Variants in MRRF observed in about 807,000 individuals in gnomAD.
The protein encoded by MRRF is ribosome-recycling factor, mitochondrial.
Under a neutral mutation model 25.1 loss-of-function variants are expected in MRRF, and 18 were observed. That is an observed-to-expected ratio of 0.72 (90% CI 0.50 to 1.06). The LOEUF is 1.06. MRRF is among the 50% of genes least tolerant of loss of function. The pLI, the probability that MRRF is intolerant of heterozygous loss-of-function variation, is 0.00. For synonymous variants in MRRF, 113 were observed against 112.1 expected (o/e 1.01, Z -0.05); for missense variants, 323 against 319.3 (o/e 1.01, Z -0.09).
intron 2 of MRRF, 56 bp from the exon 3 acceptor site, chr9:122,280,387 C>T: frequency 6.3e-7 from 1 of 1,591,258 alleles, no homozygotes; most frequent in Non-Finnish European, 8.6e-7. Flanking sequence ...TCACCAATTG[C>T]TTATTGGCTC....
intron 2 of MRRF, among the ~76,000 whole-genome samples, chr9:122,274,832 T>C (rs193248678): frequency 7.6e-4 from 116 of 152,194 alleles, no homozygotes; most frequent in African/African-American, 2.5e-3. Context: ...ACAGAAGTTA[T>C]AAACCTTTTA....
chr9:122,303,198 G>C (rs1046070733), intron 5 of MRRF, among the ~76,000 whole-genome samples: 5 of 151,668 alleles, frequency 3.3e-5, no homozygotes, highest in African/African-American at 1.2e-4. Context: ...TTCATTTATT[G>C]TTCCCCAGTT....
chr9:122,284,132 A>C (rs1301177096), intron 3 of MRRF, among the ~76,000 whole-genome samples: 1 of 152,128 alleles, frequency 6.6e-6, no homozygotes, highest in Admixed American at 6.6e-5. Flanking sequence ...AGCTTCCCCA[A>C]ATCACAGGCT....
At position 122,270,869 on chromosome 9, in the gene MRRF, GT is replaced by G; in HGVS notation, c.-20del. 6.2e-7 allele frequency: 1 copy of G among 1,613,102 alleles called. No homozygotes were observed. The highest frequency in any genetic ancestry group is 8.5e-7 in the Non-Finnish European group (1 of 1,179,050). On this transcript the variant is annotated 5_prime_UTR_variant, in exon 2 of 7. Transcript: ENST00000344641. ...TTTTGTCTTATTCTTTTTAGTGGAT[GT>G]TTCCAAGGATTGTCTTCAGTCATGG...
chr9:122,269,141 G>A (rs1485024360), intron 1 of MRRF, among the ~76,000 whole-genome samples: 7 of 151,408 alleles, frequency 4.6e-5, no homozygotes, highest in Non-Finnish European at 8.8e-5. Flanking sequence ...ACTCCAGCCT[G>A]GGCGACAGAG....
intron 6 of MRRF, among the ~76,000 whole-genome samples, chr9:122,315,986 T>A (rs1344949291): frequency 6.6e-6 from 1 of 152,226 alleles, no homozygotes; most frequent in East Asian, 1.9e-4. Context: ...CTTACTGTGA[T>A]TTTTTTAAGT....
intron 6 of MRRF, among the ~76,000 whole-genome samples, chr9:122,320,792 A>C (rs1835849269): frequency 6.6e-6 from 1 of 152,236 alleles, no homozygotes; most frequent in South Asian, 2.1e-4. Flanking sequence ...ATTCCTAGCC[A>C]AGGCCTGTGG....
chr9:122,303,485 A>T (rs1307800627), intron 5 of MRRF, among the ~76,000 whole-genome samples: 3 of 151,984 alleles, frequency 2.0e-5, no homozygotes, highest in Admixed American at 6.6e-5. Flanking sequence ...GGCTCAAGCG[A>T]TCCTCCCACT....
At chr9:122,286,605 C>A (rs1237438934) in intron 4 of MRRF, among the ~76,000 whole-genome samples, 1 of 151,938 alleles carries the variant, frequency 6.6e-6, no homozygotes. Flanking sequence ...GCTAGCTACT[C>A]AGGAAACTGC....
chr9:122,267,802 T>C (rs530067000), intron 1 of MRRF, among the ~76,000 whole-genome samples: 1 of 152,368 alleles, frequency 6.6e-6, no homozygotes, highest in African/African-American at 2.4e-5. Context: ...ATAGTTTCTG[T>C]CACGTAGTCA....
intron 2 of MRRF, among the ~76,000 whole-genome samples, chr9:122,271,427 G>A (rs143990107): frequency 9.2e-5 from 14 of 152,228 alleles, no homozygotes; most frequent in Non-Finnish European, 1.9e-4. Flanking sequence ...CATGTTGGAA[G>A]TATAATTAAG....
chr9:122,266,855 C>T (rs977171779), intron 1 of MRRF, among the ~76,000 whole-genome samples: 3 of 152,092 alleles, frequency 2.0e-5, no homozygotes, highest in Non-Finnish European at 4.4e-5. Flanking sequence ...GGGCGGATCA[C>T]GAGGTCAGGG....
intron 4 of MRRF, 71 bp from the exon 5 acceptor site, chr9:122,291,678 T>G: frequency 9.3e-7 from 1 of 1,077,716 alleles, no homozygotes; most frequent in South Asian, 1.2e-5. Context: ...GGGTTGCCAG[T>G]TATCGACAGA....
chr9:122,273,457 A>G (rs993609208), intron 2 of MRRF, among the ~76,000 whole-genome samples: 15 of 152,100 alleles, frequency 9.9e-5, no homozygotes, highest in Non-Finnish European at 1.3e-4. Context: ...AAAAAAAAAA[A>G]AAGATCTTGT....
At chr9:122,318,480 G>A (rs7875596) in intron 6 of MRRF, among the ~76,000 whole-genome samples, 3,754 of 152,326 alleles carry the variant, frequency 0.025, 142 homozygotes, top group African/African-American at 0.086. Flanking sequence ...AGAGCTAAAG[G>A]AGGGAAAGGC....
intron 5 of MRRF, among the ~76,000 whole-genome samples, chr9:122,300,769 G>A (rs1233675312): frequency 2.0e-5 from 3 of 151,964 alleles, no homozygotes; most frequent in Non-Finnish European, 4.4e-5. Flanking sequence ...TGATTATATT[G>A]GAAGTATCTT....
At chr9:122,293,930 G>A (rs1016789460) in intron 5 of MRRF, among the ~76,000 whole-genome samples, 1 of 152,210 alleles carries the variant, frequency 6.6e-6, no homozygotes, top group African/African-American at 2.4e-5. Context: ...TGGCAGTCAG[G>A]ATTTGAAGCC....
chr9:122,270,473 C>T (rs777625517), intron 1 of MRRF, among the ~76,000 whole-genome samples: 3 of 152,204 alleles, frequency 2.0e-5, no homozygotes, highest in Non-Finnish European at 2.9e-5. Context: ...TTAAAGTCCT[C>T]TTCTAGTGCT....
At chr9:122,300,304 G>C (rs1292006235) in intron 5 of MRRF, among the ~76,000 whole-genome samples, 7 of 152,176 alleles carry the variant, frequency 4.6e-5, no homozygotes, top group Non-Finnish European at 1.5e-5. Flanking sequence ...TCAGGCATCT[G>C]TACCCCTCAC....
Sources: gnomAD v4.1 joint callset for allele counts (sites outside exome capture counted in the v4.1 genomes callset) on GRCh38, gnomAD v4.1.1 for gene constraint, MANE v1.5 for transcripts, NCBI Gene and HGNC (gene_info 2026-07-23, HGNC 2026-07-21) for gene names.